Variants in SCP2 observed in about 807,000 individuals in gnomAD.
SCP2 encodes the protein SCP-2/3-oxoacyl-CoA thiolase.
Under a neutral mutation model 71.4 loss-of-function variants are expected in SCP2, and 48 were observed. The observed-to-expected ratio is 0.67, with a 90% CI of 0.53 to 0.86. The LOEUF (loss-of-function observed/expected upper bound fraction) is 0.86. SCP2 is among the 40% of genes least tolerant of loss of function. SCP2 has a pLI of 0.00. For missense variants in SCP2, 560 were observed against 655.6 expected (o/e 0.85, Z 1.59); for synonymous variants, 220 against 218.1 (o/e 1.01, Z -0.08).
chr1:53,047,333 C>T (rs1330146038), intron 14 of SCP2, among the ~76,000 whole-genome samples: 2 of 152,174 alleles, frequency 1.3e-5, no homozygotes, highest in Non-Finnish European at 2.9e-5. Context: ...ATTCTGTTAG[C>T]TAGAAGCAAG....
chr1:52,952,687 A>G (rs1000652974), intron 4 of SCP2, among the ~76,000 whole-genome samples: 24 of 152,078 alleles, frequency 1.6e-4, no homozygotes, highest in Non-Finnish European at 2.6e-4. Context: ...GGATCACTTG[A>G]GCCTAGGAGA....
At chr1:52,993,497 T>A in intron 11 of SCP2, 1 of 1,613,118 alleles carries the variant, frequency 6.2e-7, no homozygotes. Context: ...TTGAAACTTA[T>A]AGATTTCTTC....
At chr1:52,981,064 C>T (rs7527327) in intron 10 of SCP2, among the ~76,000 whole-genome samples, 15,646 of 151,876 alleles carry the variant, frequency 0.1, 1,666 homozygotes, top group East Asian at 0.55. Context: ...CCTGTGTAGC[C>T]GGGATTACAG....
chr1:52,976,768 T>A lies in SCP2; in HGVS notation c.673T>A (p.Cys225Ser). The A allele has an allele frequency of 7.2e-7, 1 of 1,390,148 alleles. No homozygotes were observed. The highest frequency in any genetic ancestry group is 1.0e-6 in the Non-Finnish European group (1 of 976,250). The allele number at this position is 1,390,148 out of a possible 1,614,324, so 86.1% of individuals were successfully genotyped here. A position where few individuals can be genotyped will look rare whatever the true frequency, so the allele number is the denominator to read the frequency against. ...TGATTTTTTGACTATCTTACAATGT[T>A]GGTAAGAAAAATATATTTTAACATT... ...VFDFLTILQC[C>S]PTSDGAAAAI... The change falls in exon 8 of 16, where the codon TGT becomes AGT. Residue 225 changes from cysteine to serine, a missense_variant and splice_region_variant. Cys to Ser is a moderately radical substitution (Grantham distance 112). Coordinates refer to ENST00000371514, the MANE Select transcript of SCP2 (RefSeq NM_002979.5).
intron 13 of SCP2, among the ~76,000 whole-genome samples, chr1:53,031,640 A>G (rs1307005635): frequency 6.6e-6 from 1 of 152,214 alleles, no homozygotes; most frequent in African/African-American, 2.4e-5. Context: ...TCTCAGTACT[A>G]ATGATCTCCA....
At chr1:52,949,342 C>A (rs1230358526) in intron 3 of SCP2, among the ~76,000 whole-genome samples, 1 of 152,196 alleles carries the variant, frequency 6.6e-6, no homozygotes, top group African/African-American at 2.4e-5. Flanking sequence ...ACTGCTCCAG[C>A]ATGTCTACCT....
chr1:53,040,700 G>A (rs966116690), intron 14 of SCP2, among the ~76,000 whole-genome samples: 5 of 151,932 alleles, frequency 3.3e-5, no homozygotes, highest in African/African-American at 9.7e-5. Flanking sequence ...CAGCCTGGGC[G>A]ACAGAGCGAG....
At chr1:53,048,165 G>T in intron 15 of SCP2, 1 of 484,662 alleles carries the variant, frequency 2.1e-6, no homozygotes. Context: ...ATCCACAGAT[G>T]TGTAAAAGAG....
chr1:52,991,772 G>GT (rs542388470), intron 11 of SCP2, among the ~76,000 whole-genome samples: 200 of 144,874 alleles, frequency 1.4e-3, no homozygotes, highest in South Asian at 3.7e-3. Context: ...CTTTAATTTG[G>GT]TTTTTTTTTT....
intron 11 of SCP2, among the ~76,000 whole-genome samples, chr1:52,991,214 C>T (rs1027779074): frequency 6.6e-6 from 1 of 152,092 alleles, no homozygotes; most frequent in African/African-American, 2.4e-5. Context: ...CCTTATAAGG[C>T]TGTTCTGTGG....
In SCP2 at chr1:52,934,472, C is replaced by A. The variant is rs530902051; in HGVS notation, c.69+7007C>A. Among the ~76,000 whole-genome samples the A allele has an allele frequency of 4.6e-5, 7 of 151,524 alleles. No individual in the cohort carries two copies. The South Asian group carries it at 1.3e-3, about 27-fold the overall frequency. On this transcript the variant is annotated intron_variant, in intron 1 of 15. Coordinates refer to ENST00000371514, the MANE Select transcript of SCP2 (RefSeq NM_002979.5). ...TGTTCTGCATTCTTTAAATAATAAT[C>A]CACTCATTTATGGATCCATTGAATG...
chr1:53,003,691 A>G (rs569215388), intron 11 of SCP2, among the ~76,000 whole-genome samples: 2 of 151,768 alleles, frequency 1.3e-5, no homozygotes, highest in East Asian at 3.9e-4. Context: ...AGCTAATTTT[A>G]TTTTATTTTT....
chr1:53,042,693 C>G (rs1452266208), intron 14 of SCP2, among the ~76,000 whole-genome samples: 2 of 152,188 alleles, frequency 1.3e-5, no homozygotes, highest in Non-Finnish European at 2.9e-5. Flanking sequence ...CATTAATAAC[C>G]TGTCCTAGTT....
intron 11 of SCP2, among the ~76,000 whole-genome samples, chr1:52,989,495 G>A (rs1659282453): frequency 6.6e-6 from 1 of 151,870 alleles, no homozygotes; most frequent in South Asian, 2.1e-4. Context: ...AAAACCTACA[G>A]CTTGCAGTCA....
At chr1:52,985,981 T>C (rs980366985) in intron 10 of SCP2, among the ~76,000 whole-genome samples, 1 of 152,236 alleles carries the variant, frequency 6.6e-6, no homozygotes, top group Non-Finnish European at 1.5e-5. Context: ...TCTTTACTTA[T>C]TTTATATATT....
At chr1:52,993,507 C>A (rs200252170) in intron 11 of SCP2, 1 of 1,612,776 alleles carries the variant, frequency 6.2e-7, no homozygotes, top group Non-Finnish European at 8.5e-7. Flanking sequence ...TAGATTTCTT[C>A]AAAACTGCCT....
At chr1:52,958,355 G>T (rs146794619) in intron 5 of SCP2, among the ~76,000 whole-genome samples, 1 of 151,322 alleles carries the variant, frequency 6.6e-6, no homozygotes, top group East Asian at 1.9e-4. Flanking sequence ...TTCAACCTCC[G>T]AAGTAACTGG....
intron 1 of SCP2, among the ~76,000 whole-genome samples, chr1:52,935,771 C>G (rs1362038270): frequency 6.6e-6 from 1 of 151,258 alleles, no homozygotes; most frequent in Admixed American, 6.6e-5. Flanking sequence ...GACCCCGTCT[C>G]TACAAAAGAT....
intron 9 of SCP2, among the ~76,000 whole-genome samples, chr1:52,978,717 G>A (rs1019990435): frequency 2.0e-5 from 3 of 151,626 alleles, no homozygotes; most frequent in South Asian, 2.1e-4. Context: ...CACATGCCAC[G>A]ACTGCCGGCT....
Sources: allele counts gnomAD v4.1 joint callset (sites outside exome capture counted in the v4.1 genomes callset), GRCh38; gene constraint gnomAD v4.1.1; transcripts MANE v1.5; gene names NCBI Gene and HGNC (gene_info 2026-07-23, HGNC 2026-07-21).